Variants in PTPN14 observed in about 807,000 individuals in gnomAD.
PTPN14 encodes the protein protein tyrosine phosphatase non-receptor type 14.
In PTPN14, 53 loss-of-function variants were observed where a neutral mutation model predicts 126.8. The observed-to-expected ratio is 0.42, with a 90% CI of 0.34 to 0.53. PTPN14 has a LOEUF of 0.53. Among genes scored for constraint, PTPN14 ranks in the 20% least tolerant of loss-of-function variants. The pLI is 0.08. For missense variants in PTPN14, 1,257 were observed against 1,552.9 expected, an observed-to-expected ratio of 0.81 and a Z score of 3.20; for synonymous variants, 630 against 599.3, an observed-to-expected ratio of 1.05 and a Z score of -0.75.
At position 214,464,895 on chromosome 1, in the gene PTPN14, C is replaced by T; in HGVS notation, c.-92G>A. On this transcript the variant is annotated 5_prime_UTR_variant, in exon 2 of 19. Transcript: ENST00000366956. ...TTTCGTGACTGGAAAATTACACTAT[C>T]ACCTGTGCTCCTCCAGGCAGGGAAA... 1 of 1,481,842 alleles carries T rather than the reference C, an allele frequency of 6.7e-7. No homozygotes were observed. Among genetic ancestry groups the T allele is most frequent in the Non-Finnish European group, 9.2e-7 (1 of 1,089,058 alleles). 91.8% of individuals were successfully genotyped at this position (1,481,842 alleles called of 1,614,324 possible).
rs1263097460 is a variant in PTPN14, at chr1:214,351,264, C to T, written c.*6658G>A. On this transcript the variant is annotated 3_prime_UTR_variant, in exon 19 of 19. Coordinates refer to ENST00000366956, the MANE Select transcript of PTPN14 (RefSeq NM_005401.5). ...GGAGGCTGCACTCCAGCCTGCGCAA[C>T]AGGAGTGAGACACGATCTCAAAAAC... The T allele has an allele frequency of 7.6e-6, 1 of 131,464 alleles. No homozygotes were observed. The highest frequency in any genetic ancestry group is 1.5e-5 in the Non-Finnish European group (1 of 64,688). The allele number at this position is 131,464 out of a possible 1,614,324, so 8.1% of individuals were successfully genotyped here. A position where few individuals can be genotyped will look rare whatever the true frequency, so the allele number is the denominator to read the frequency against.
intron 3 of PTPN14, among the ~76,000 whole-genome samples, chr1:214,420,848 G>A (rs11120316): frequency 0.51 from 77,112 of 152,080 alleles, 19,676 homozygotes; most frequent in East Asian, 0.54. Flanking sequence ...GCTGAGGGCT[G>A]TGATGCCCTG....
rs148862223 is a variant in PTPN14 at position 214,367,435 on chromosome 1, A to G, written c.3271+2022T>C. 1.8e-4 allele frequency among the ~76,000 whole-genome samples: 27 copies of G among 152,340 alleles called. No individual in the cohort carries two copies. The East Asian group carries it at 3.9e-3, about 22-fold the overall frequency. ...TGCTTGTATTGCTGGATAAGTACACATCGGAATATTTATTGGAACTTGTAA... is the reference window on the plus strand; with the variant it reads ...TGCTTGTATTGCTGGATAAGTACACGTCGGAATATTTATTGGAACTTGTAA... On this transcript the variant is annotated intron_variant, in intron 17 of 18. Coordinates refer to ENST00000366956, the MANE Select transcript of PTPN14 (RefSeq NM_005401.5).
intron 3 of PTPN14, among the ~76,000 whole-genome samples, chr1:214,423,194 C>T (rs1271882993): frequency 1.3e-5 from 2 of 151,972 alleles, no homozygotes; most frequent in East Asian, 1.9e-4. Context: ...GACGTGATGG[C>T]ATGCACCTAT....
intron 1 of PTPN14, among the ~76,000 whole-genome samples, chr1:214,512,911 T>G (rs192129768): frequency 2.0e-3 from 306 of 152,118 alleles, no homozygotes; most frequent in African/African-American, 7.2e-3. Flanking sequence ...AGGCTGGTCT[T>G]GAACTCCTAG....
chr1:214,461,186 T>C (rs1660502717), intron 2 of PTPN14, among the ~76,000 whole-genome samples: 1 of 152,086 alleles, frequency 6.6e-6, no homozygotes, highest in South Asian at 2.1e-4. Flanking sequence ...GGCAAAACAA[T>C]TAATGTAAAT....
intron 1 of PTPN14, among the ~76,000 whole-genome samples, chr1:214,487,366 C>T (rs138834709): frequency 0.018 from 2,718 of 152,270 alleles, 85 homozygotes; most frequent in African/African-American, 0.062. Context: ...TGGCTCATGC[C>T]TGTAATCCCA....
intron 1 of PTPN14, among the ~76,000 whole-genome samples, chr1:214,541,914 A>G (rs1655846547): frequency 6.6e-6 from 1 of 152,146 alleles, no homozygotes; most frequent in Admixed American, 6.5e-5. Flanking sequence ...TCTGCTAGAG[A>G]GTGTGTACTT....
chr1:214,434,373 C>T (rs573378472), intron 3 of PTPN14, among the ~76,000 whole-genome samples: 20 of 152,118 alleles, frequency 1.3e-4, no homozygotes, highest in African/African-American at 4.3e-4. Context: ...GCCCCTGGCC[C>T]AGGGCTGGCA....
intron 1 of PTPN14, among the ~76,000 whole-genome samples, chr1:214,470,026 A>C (rs1660719443): frequency 6.6e-6 from 1 of 152,352 alleles, no homozygotes; most frequent in East Asian, 1.9e-4. Context: ...TATAGAAATT[A>C]AAGAAACTAT....
intron 1 of PTPN14, among the ~76,000 whole-genome samples, chr1:214,470,677 G>C (rs1355254967): frequency 1.3e-5 from 2 of 151,454 alleles, no homozygotes; most frequent in Non-Finnish European, 1.5e-5. Context: ...CCAGCTACTC[G>C]GGAGGCTGAG....
intron 4 of PTPN14, among the ~76,000 whole-genome samples, chr1:214,413,588 T>C (rs1659357696): frequency 6.6e-6 from 1 of 152,170 alleles, no homozygotes; most frequent in South Asian, 2.1e-4. Context: ...GCAGATAAGC[T>C]GGTTTTCAAG....
chr1:214,465,950 C>CTTTTTTTTTTTT (rs1558115729), intron 1 of PTPN14, among the ~76,000 whole-genome samples: 1 of 18,476 alleles, frequency 5.4e-5, no homozygotes, highest in African/African-American at 2.4e-4. Flanking sequence ...TCAGTTACTT[C>CTTTTTTTTTTTT]CTTTTTTTTT....
At chr1:214,363,574 G>A (rs1658004090) in intron 18 of PTPN14, among the ~76,000 whole-genome samples, 1 of 152,138 alleles carries the variant, frequency 6.6e-6, no homozygotes, top group Admixed American at 6.5e-5. Flanking sequence ...GAGGCAGAGT[G>A]AAGACAGGAA....
At chr1:214,434,179 GTATTGCACAGCAAATA>G (rs912180487) in intron 3 of PTPN14, among the ~76,000 whole-genome samples, 1 of 152,052 alleles carries the variant, frequency 6.6e-6, no homozygotes, top group African/African-American at 2.4e-5. Flanking sequence ...CAATTGAGCT[GTATTGCACAGCAAATA>G]TAAAGAGGGA....
chr1:214,467,511 G>C (rs771906695), intron 1 of PTPN14, among the ~76,000 whole-genome samples: 3 of 152,126 alleles, frequency 2.0e-5, no homozygotes, highest in Admixed American at 2.0e-4. Context: ...TGCATAACTA[G>C]TGAAATAAAA....
At chr1:214,400,762 T>G (rs1658996016) in intron 7 of PTPN14, among the ~76,000 whole-genome samples, 1 of 152,150 alleles carries the variant, frequency 6.6e-6, no homozygotes, top group Non-Finnish European at 1.5e-5. Flanking sequence ...GGGCAGCTAT[T>G]AGAGAAGCAA....
intron 1 of PTPN14, among the ~76,000 whole-genome samples, chr1:214,468,694 G>A (rs890312806): frequency 1.7e-4 from 26 of 152,130 alleles, no homozygotes; most frequent in African/African-American, 5.8e-4. Context: ...TCACTCTACT[G>A]TTCTTTTAGG....
intron 1 of PTPN14, among the ~76,000 whole-genome samples, chr1:214,468,774 A>T (rs1307199990): frequency 1.3e-5 from 2 of 152,154 alleles, no homozygotes; most frequent in East Asian, 3.8e-4. Context: ...CCGATAGTAA[A>T]CATGCTCATA....
Sources: gnomAD v4.1 joint callset for allele counts (sites outside exome capture counted in the v4.1 genomes callset) on GRCh38, gnomAD v4.1.1 for gene constraint, MANE v1.5 for transcripts, NCBI Gene and HGNC (gene_info 2026-07-23, HGNC 2026-07-21) for gene names.